CNTRL: variants seen among roughly 807,000 people sequenced by gnomAD.
CNTRL encodes centriolin.
Under a neutral mutation model 303.7 loss-of-function variants are expected in CNTRL, and 233 were observed. The ratio of observed to expected loss-of-function variants is 0.77; its 90% confidence interval spans 0.69 to 0.86. The LOEUF is 0.86. CNTRL is among the 40% of genes least tolerant of loss of function. The probability of loss-of-function intolerance (pLI) is 0.00; values close to 1 mark genes in which losing one functional copy is unlikely to be tolerated. For synonymous variants in CNTRL, 900 were observed against 922.2 expected (o/e 0.98, Z 0.44); for missense variants, 2,524 against 2,650.6 (o/e 0.95, Z 1.05).
rs2053142822 is a variant in CNTRL, at chr9:121,167,503, C to T, written c.5670C>T (p.Thr1890=). 1 of 1,613,208 alleles carries T rather than the reference C, an allele frequency of 6.2e-7. No homozygotes were observed. The highest frequency in any genetic ancestry group is 1.1e-5 in the South Asian group (1 of 91,016). The change falls in exon 37 of 44, where the codon ACC becomes ACT. Residue 1890 remains threonine (T), a synonymous_variant. Transcript: ENST00000373855. Reference sequence around the variant, plus strand: ...TTCACCTAAAGGACCTGCTTCACACCACCAAGCATCAGGATGTGTTGCTCA... The same window carrying T: ...TTCACCTAAAGGACCTGCTTCACACTACCAAGCATCAGGATGTGTTGCTCA... ...LNLAKQDLLH[T]TKHQDVLLSE... is the part of the protein sequence containing the mutation.
At position 121,075,036 on chromosome 9, in the gene CNTRL, C is replaced by G. The variant is rs757561468; in HGVS notation, c.-236C>G. ...CCGAACTTCTCCCGCTCTACCTCAGCCTGCGGGACTGCTCGGCTCGGCTTC... is the reference window on the plus strand; with the variant it reads ...CCGAACTTCTCCCGCTCTACCTCAGGCTGCGGGACTGCTCGGCTCGGCTTC... On this transcript the variant is annotated 5_prime_UTR_variant, in exon 1 of 44. Coordinates refer to ENST00000373855, the MANE Select transcript of CNTRL (RefSeq NM_007018.6). 1.6e-5 allele frequency: 7 copies of G among 445,162 alleles called. No homozygotes were observed. The highest frequency in any genetic ancestry group is 2.7e-5 in the Non-Finnish European group (6 of 219,526). The allele number at this position is 445,162 out of a possible 1,614,324, so 27.6% of individuals were successfully genotyped here.
intron 7 of CNTRL, among the ~76,000 whole-genome samples, chr9:121,100,691 C>T (rs981565121): frequency 2.0e-5 from 3 of 152,042 alleles, no homozygotes; most frequent in African/African-American, 4.8e-5. Context: ...CACACATAGG[C>T]TCAAAATAAA....
At chr9:121,090,040 A>AATTT (rs1199652452) in intron 3 of CNTRL, among the ~76,000 whole-genome samples, 11 of 148,946 alleles carry the variant, frequency 7.4e-5, no homozygotes, top group African/African-American at 2.6e-4. Flanking sequence ...ACAATACATT[A>AATTT]TAGTTATTAC....
In CNTRL at chr9:121,169,593, T is replaced by C; in HGVS notation, c.6071-18T>C. On this transcript the variant is annotated intron_variant, in intron 38 of 43. Coordinates refer to ENST00000373855, the MANE Select transcript of CNTRL (RefSeq NM_007018.6). ...GCTCGGGGTCTTTGGCTAAACCTACTGAAAATGCTCATTTCAGAACGGCAG... is the reference window on the plus strand; with the variant it reads ...GCTCGGGGTCTTTGGCTAAACCTACCGAAAATGCTCATTTCAGAACGGCAG... 1 of 1,613,742 alleles carries C rather than the reference T, an allele frequency of 6.2e-7. No individual in the cohort carries two copies. Among genetic ancestry groups the C allele is most frequent in the Non-Finnish European group, 8.5e-7 (1 of 1,179,902 alleles).
At position 121,177,324 on chromosome 9, in the gene CNTRL, C is replaced by G; in HGVS notation, c.*138C>G. On this transcript the variant is annotated 3_prime_UTR_variant, in exon 44 of 44. Transcript: ENST00000373855. ...TGAAACTCCACTGTAGTTTACTTTG[C>G]CTGTACCATTAATGCCAATGTTTTT... The G allele has an allele frequency of 1.4e-6, 1 of 710,752 alleles. No individual in the cohort carries two copies. The highest frequency in any genetic ancestry group is 2.4e-6 in the Non-Finnish European group (1 of 413,970). The allele number at this position is 710,752 out of a possible 1,614,324, so 44.0% of individuals were successfully genotyped here. A position where few individuals can be genotyped will look rare whatever the true frequency, so the allele number is the denominator to read the frequency against.
rs763982584 is a variant in CNTRL, at chr9:121,175,260, C to G, written c.6954+36C>G. 33 of 1,590,204 alleles carry G rather than the reference C, an allele frequency of 2.1e-5. No individual in the cohort carries two copies. The South Asian group carries it at 3.0e-4, about 14-fold the overall frequency. On this transcript the variant is annotated intron_variant, in intron 43 of 43. Transcript: ENST00000373855. ...GCTCTTTTTAAAAACAAAACAATAG[C>G]CTGAGGTTGTTTTTTGTCTTTTTTG...
chr9:121,142,118 G>A lies in CNTRL; in HGVS notation c.2719G>A (p.Ala907Thr). 1 of 1,601,434 alleles carries A rather than the reference G, an allele frequency of 6.2e-7. No homozygotes were observed. The highest frequency in any genetic ancestry group is 1.1e-5 in the South Asian group (1 of 87,744). Residue 907 changes from alanine to threonine, a missense_variant, in exon 19 of 44, where the codon GCA (alanine) becomes ACA (threonine). Ala to Thr is a moderately conservative substitution (Grantham distance 58). Transcript: ENST00000373855. ...GAATTTTGATAAGAGGCAACATGAA[G>A]CAAGAATCCAGCAAATGGAGAATGA... ...RMNFDKRQHEARIQQMENEIH... is the reference protein window; with the variant it reads ...RMNFDKRQHETRIQQMENEIH...
intron 23 of CNTRL, among the ~76,000 whole-genome samples, chr9:121,148,355 C>T (rs2134161547): frequency 6.6e-6 from 1 of 152,288 alleles, no homozygotes; most frequent in East Asian, 1.9e-4. Context: ...TTTCACCACA[C>T]TTTGAGCCCT....
intron 14 of CNTRL, among the ~76,000 whole-genome samples, chr9:121,133,340 C>T (rs1414930451): frequency 2.0e-5 from 3 of 152,250 alleles, no homozygotes. Flanking sequence ...CTACTCAAGC[C>T]TCAGCAATGG....
intron 36 of CNTRL, 135 bp downstream of exon 36, chr9:121,166,315 C>T (rs1338145512): frequency 8.5e-6 from 5 of 586,272 alleles, no homozygotes; most frequent in South Asian, 2.4e-5. Flanking sequence ...GTAACATAAC[C>T]ATCACATAAA....
intron 7 of CNTRL, among the ~76,000 whole-genome samples, chr9:121,104,906 C>A (rs2049387241): frequency 6.6e-6 from 1 of 151,858 alleles, no homozygotes; most frequent in Admixed American, 6.6e-5. Context: ...TGTCTGATTT[C>A]TCTTACGGGG....
At position 121,167,945 on chromosome 9, in the gene CNTRL, T is replaced by TG. The variant is rs1407502379; in HGVS notation, c.5845-151_5845-150insG. 1.1e-5 allele frequency: 8 copies of TG among 731,534 alleles called. No individual in the cohort carries two copies. The Admixed American group carries it at 2.0e-4, about 18-fold the overall frequency. The allele number at this position is 731,534 out of a possible 1,614,324, so 45.3% of individuals were successfully genotyped here. ...CCTCCTCACATGCTGGCCAGATAGCTTCCCAAGCCCTCTTGATCACCTCTG... is the reference window on the plus strand; with the variant it reads ...CCTCCTCACATGCTGGCCAGATAGCTGTCCCAAGCCCTCTTGATCACCTCTG... On this transcript the variant is annotated intron_variant, in intron 37 of 43. Transcript: ENST00000373855.
At chr9:121,106,794 A>T (rs2049498490) in intron 7 of CNTRL, among the ~76,000 whole-genome samples, 2 of 152,166 alleles carry the variant, frequency 1.3e-5, no homozygotes, top group Admixed American at 1.3e-4. Context: ...GAATCTCCCT[A>T]ACTCAATATT....
chr9:121,120,119 G>GT lies in CNTRL; in HGVS notation c.1650+1579_1650+1580insT, dbSNP rs567449400. ...CTCCTGGTATACCTTGAATAATAGG[G>GT]GTTTTTTTTTTAAAGAACTTTAAGA... On this transcript the variant is annotated intron_variant, in intron 12 of 43. Coordinates refer to ENST00000373855, the MANE Select transcript of CNTRL (RefSeq NM_007018.6). Among the ~76,000 whole-genome samples, 111 of 147,736 alleles carry GT rather than the reference G, an allele frequency of 7.5e-4. 2 individuals are homozygous for GT. The South Asian group carries it at 0.022, about 30-fold the overall frequency.
chr9:121,116,484 C>T (rs976066062), intron 11 of CNTRL, among the ~76,000 whole-genome samples: 1 of 152,042 alleles, frequency 6.6e-6, no homozygotes, highest in Admixed American at 6.6e-5. Context: ...TCACTCCCGG[C>T]TAATTTTTTA....
At position 121,092,544 on chromosome 9, in the gene CNTRL, A is replaced by T. The variant is rs1333185186; in HGVS notation, c.348+2139A>T. 1.6e-4 allele frequency among the ~76,000 whole-genome samples: 3 copies of T among 19,290 alleles called. 1 individual carries two copies. Among genetic ancestry groups the T allele is most frequent in the African/African-American group, 8.2e-4 (3 of 3,670 alleles). The allele number at this position is 19,290 out of a possible 152,430, so 12.7% of individuals were successfully genotyped here. A position where few individuals can be genotyped will look rare whatever the true frequency, so the allele number is the denominator to read the frequency against. On this transcript the variant is annotated intron_variant, in intron 4 of 43. Coordinates refer to ENST00000373855, the MANE Select transcript of CNTRL (RefSeq NM_007018.6). ...TATATAATATATATCTATATATATT[A>T]TATATATCTATATATATAATATATA...
At chr9:121,095,091 C>A in intron 5 of CNTRL, 73 bp downstream of exon 5, 2 of 1,104,140 alleles carry the variant, frequency 1.8e-6, no homozygotes, top group Non-Finnish European at 2.6e-6. Flanking sequence ...ATGTTATCCA[C>A]ATTACTGAAA....
chr9:121,095,157 T>C, intron 5 of CNTRL, 139 bp downstream of exon 5: 1 of 660,498 alleles, frequency 1.5e-6, no homozygotes, highest in Middle Eastern at 3.7e-4. Context: ...ATCAAATGAA[T>C]GTCTGTCTCT....
intron 4 of CNTRL, among the ~76,000 whole-genome samples, chr9:121,093,241 G>A (rs1314097603): frequency 6.6e-6 from 1 of 152,112 alleles, no homozygotes; most frequent in African/African-American, 2.4e-5. Flanking sequence ...TGTGGAATGG[G>A]TGAATGAATT....
Sources: gnomAD v4.1 joint callset for allele counts (sites outside exome capture counted in the v4.1 genomes callset) on GRCh38, gnomAD v4.1.1 for gene constraint, MANE v1.5 for transcripts, NCBI Gene and HGNC (gene_info 2026-07-23, HGNC 2026-07-21) for gene names.